ANO2: variants seen among roughly 807,000 people sequenced by gnomAD.
ANO2 encodes anoctamin-2.
In ANO2, 101 loss-of-function variants were observed where a neutral mutation model predicts 124.2. The ratio of observed to expected loss-of-function variants is 0.81; its 90% CI spans 0.69 to 0.96. The LOEUF (loss-of-function observed/expected upper bound fraction) is 0.96, where lower values mean the gene tolerates loss of function less well. Ranked by LOEUF, ANO2 falls within the 40% of genes least tolerant of loss-of-function variation. ANO2 has a pLI of 0.00. For synonymous variants in ANO2, 486 were observed against 482.5 expected (o/e 1.01, Z -0.09); for missense variants, 1,293 against 1,274.5 (o/e 1.01, Z -0.22).
At chr12:5,841,615 A>C (rs912181208) in intron 4 of ANO2, among the ~76,000 whole-genome samples, 17 of 151,874 alleles carry the variant, frequency 1.1e-4, no homozygotes, top group Non-Finnish European at 2.2e-4. Flanking sequence ...AGCTGCTCCC[A>C]CCCTGGCTCC....
intron 4 of ANO2, among the ~76,000 whole-genome samples, chr12:5,847,524 T>A (rs1954720957): frequency 6.6e-6 from 1 of 151,800 alleles, no homozygotes; most frequent in Admixed American, 6.6e-5. Context: ...AAGCCTCAAA[T>A]CTGGATAACT....
At chr12:5,657,267 T>C (rs1947205951) in intron 14 of ANO2, among the ~76,000 whole-genome samples, 1 of 152,214 alleles carries the variant, frequency 6.6e-6, no homozygotes, top group South Asian at 2.1e-4. Context: ...AAGAGTCAAA[T>C]AGCAGTAGTT....
chr12:5,638,717 G>A (rs904951480), intron 15 of ANO2, among the ~76,000 whole-genome samples: 1 of 152,156 alleles, frequency 6.6e-6, no homozygotes, highest in East Asian at 2.0e-4. Context: ...CGTAGAACTG[G>A]TTTGGTAAAG....
intron 23 of ANO2, 43 bp downstream of exon 23, chr12:5,575,791 T>G: frequency 6.3e-7 from 1 of 1,589,350 alleles, no homozygotes; most frequent in Non-Finnish European, 8.6e-7. Flanking sequence ...TTGGATCTAT[T>G]GCTTCTGGTC....
intron 16 of ANO2, among the ~76,000 whole-genome samples, chr12:5,631,556 C>T (rs991885746): frequency 2.6e-5 from 4 of 152,176 alleles, no homozygotes; most frequent in Non-Finnish European, 5.9e-5. Context: ...GTGCCTGGCA[C>T]GGAGCAAGCA....
intron 10 of ANO2, among the ~76,000 whole-genome samples, chr12:5,798,923 G>C (rs1306952115): frequency 2.6e-5 from 4 of 152,194 alleles, no homozygotes; most frequent in Non-Finnish European, 5.9e-5. Flanking sequence ...TTATTTCCAA[G>C]GACTTTTCAC....
At chr12:5,835,448 C>T (rs1470635124) in intron 4 of ANO2, among the ~76,000 whole-genome samples, 5 of 152,188 alleles carry the variant, frequency 3.3e-5, no homozygotes, top group Admixed American at 6.5e-5. Flanking sequence ...TGTAAGAAGA[C>T]GAAGAGTAAG....
intron 7 of ANO2, among the ~76,000 whole-genome samples, chr12:5,808,470 A>C (rs1953275632): frequency 6.6e-6 from 1 of 152,090 alleles, no homozygotes; most frequent in African/African-American, 2.4e-5. Flanking sequence ...ATTATGTCTC[A>C]CCAACTCGTA....
At chr12:5,599,844 G>A (rs1943846350) in intron 19 of ANO2, among the ~76,000 whole-genome samples, 1 of 152,144 alleles carries the variant, frequency 6.6e-6, no homozygotes. Context: ...CTCCACAAAG[G>A]ATGAGGTTTC....
intron 20 of ANO2, among the ~76,000 whole-genome samples, chr12:5,590,693 C>T (rs1472545480): frequency 2.6e-5 from 4 of 152,200 alleles, no homozygotes; most frequent in Non-Finnish European, 4.4e-5. Context: ...AGGCGATCTT[C>T]GAGCACACCT....
At chr12:5,605,293 C>A (rs1029823871) in intron 19 of ANO2, among the ~76,000 whole-genome samples, 2 of 152,298 alleles carry the variant, frequency 1.3e-5, no homozygotes, top group Admixed American at 1.3e-4. Context: ...ACAGACCTCC[C>A]TCCCGTGTTG....
rs556448011 is a variant in ANO2 at position 5,874,863 on chromosome 12, G to A, written c.535-20722C>T. ...CAGCACACTTTTTCTGTAAAGTGCA[G>A]GCCACGTGGTTTCTGTCACAGCTAC... is the stretch of plus-strand genomic sequence containing the variant. On this transcript the variant is annotated intron_variant, in intron 3 of 24. Coordinates refer to ENST00000682330, the MANE Select transcript of ANO2 (RefSeq NM_001364791.2). Among the ~76,000 whole-genome samples the A allele has an allele frequency of 9.2e-5, 14 of 152,310 alleles. No homozygotes were observed. The East Asian group carries it at 2.1e-3, about 23-fold the overall frequency.
chr12:5,782,801 G>A (rs1001963291), intron 10 of ANO2, among the ~76,000 whole-genome samples: 1 of 152,196 alleles, frequency 6.6e-6, no homozygotes, highest in South Asian at 2.1e-4. Flanking sequence ...GGTATGTTGG[G>A]AGTTGAAGAG....
At chr12:5,777,853 G>C (rs1952275338) in intron 10 of ANO2, among the ~76,000 whole-genome samples, 1 of 152,144 alleles carries the variant, frequency 6.6e-6, no homozygotes, top group Non-Finnish European at 1.5e-5. Flanking sequence ...CAGACATTTG[G>C]TCTGCCCAAG....
intron 19 of ANO2, among the ~76,000 whole-genome samples, chr12:5,607,920 A>G (rs1337436733): frequency 6.6e-6 from 1 of 152,256 alleles, no homozygotes; most frequent in East Asian, 1.9e-4. Context: ...CAATTTAATA[A>G]TAATAGAAAT....
At chr12:5,906,578 C>G (rs997580240) in intron 3 of ANO2, among the ~76,000 whole-genome samples, 6 of 151,948 alleles carry the variant, frequency 3.9e-5, no homozygotes, top group African/African-American at 1.4e-4. Context: ...GGGCAGATCA[C>G]GAGGTCAAGA....
intron 20 of ANO2, among the ~76,000 whole-genome samples, chr12:5,589,587 G>T (rs116168299): frequency 1.3e-5 from 2 of 152,042 alleles, no homozygotes; most frequent in African/African-American, 4.8e-5. Flanking sequence ...ATGCCCTGGC[G>T]GGGGGGTGCT....
At chr12:5,713,289 T>C (rs1036873799) in intron 14 of ANO2, among the ~76,000 whole-genome samples, 8 of 152,224 alleles carry the variant, frequency 5.3e-5, no homozygotes, top group African/African-American at 1.9e-4. Context: ...TGTAGACAAC[T>C]GGGTTGTTCA....
rs139010984 is a variant in ANO2 at position 5,890,404 on chromosome 12, T to C, written c.534+30636A>G. 3.7e-4 allele frequency among the ~76,000 whole-genome samples: 57 copies of C among 152,360 alleles called. No homozygotes were observed. The East Asian group carries it at 0.01, about 27-fold the overall frequency. On this transcript the variant is annotated intron_variant, in intron 3 of 24. Coordinates refer to ENST00000682330, the MANE Select transcript of ANO2 (RefSeq NM_001364791.2). The stretch of plus-strand genomic sequence containing the variant: ...GAGCAGAGGTTCACATGTCAGAATA[T>C]GTCAAGAGACTGCTTTGTCTTTATA...
Sources: allele counts gnomAD v4.1 joint callset (sites outside exome capture counted in the v4.1 genomes callset), GRCh38; gene constraint gnomAD v4.1.1; transcripts MANE v1.5; gene names NCBI Gene and HGNC (gene_info 2026-07-23, HGNC 2026-07-21).